Variants in DDX4 observed in about 807,000 individuals in gnomAD.
The protein encoded by DDX4 is DEAD-box helicase 4, also known as probable ATP-dependent RNA helicase DDX4.
A neutral mutation model predicts 100.0 loss-of-function variants in DDX4; 25 were observed. The ratio of observed to expected loss-of-function variants is 0.25; its 90% CI spans 0.18 to 0.35. The LOEUF is 0.35. Among genes scored for constraint, DDX4 ranks in the 10% least tolerant of loss-of-function variants. The pLI, the probability that DDX4 is intolerant of heterozygous loss-of-function variation, is 1.00. For missense variants in DDX4, 635 were observed against 882.4 expected (o/e 0.72, Z 3.55); for synonymous variants, 259 against 275.7 (o/e 0.94, Z 0.60).
In DDX4 at chr5:55,758,906, A is replaced by G. The variant is rs1357410726; in HGVS notation, c.128-1294A>G. Among the ~76,000 whole-genome samples the G allele has an allele frequency of 2.1e-5, 3 of 146,068 alleles. No homozygotes were observed. The South Asian group carries it at 6.6e-4, about 32-fold the overall frequency. On this transcript the variant is annotated intron_variant, in intron 3 of 21. Coordinates refer to ENST00000505374, the MANE Select transcript of DDX4 (RefSeq NM_024415.3). Reference sequence around the variant, plus strand: ...AAAAAAAAAAAAAAAAAAGAGGCAGACAGACAAGGTCTCTTTCTGTTTCCC... The same window carrying G: ...AAAAAAAAAAAAAAAAAAGAGGCAGGCAGACAAGGTCTCTTTCTGTTTCCC...
intron 3 of DDX4, among the ~76,000 whole-genome samples, chr5:55,751,322 C>T (rs1231643306): frequency 6.6e-6 from 1 of 152,206 alleles, no homozygotes; most frequent in Admixed American, 6.5e-5. Flanking sequence ...CAGCTTCAAT[C>T]TCCCAGGCTC....
chr5:55,782,185 G>A (rs1741954243), intron 10 of DDX4: 1 of 563,156 alleles, frequency 1.8e-6, no homozygotes, highest in Non-Finnish European at 3.1e-6. Context: ...TTGCCTCTCT[G>A]ATCCAGCAAT....
Position 55,747,823 on chromosome 5 carries a change from A to G in DDX4, c.127+1602A>G, listed in dbSNP as rs558687454. Among the ~76,000 whole-genome samples the G allele has an allele frequency of 1.2e-4, 18 of 152,334 alleles. 1 individual carries two copies. In the South Asian group the frequency reaches 3.5e-3, roughly 30 times the overall value. On this transcript the variant is annotated intron_variant, in intron 3 of 21. Transcript: ENST00000505374. The stretch of plus-strand genomic sequence containing the variant: ...TTACTATGAGTCTCTAAATCGAGTT[A>G]CTACTATTTTTAAGGCAGACTAGCA...
intron 19 of DDX4, among the ~76,000 whole-genome samples, chr5:55,814,101 A>C (rs1227816157): frequency 1.3e-5 from 2 of 152,200 alleles, no homozygotes; most frequent in Non-Finnish European, 2.9e-5. Flanking sequence ...CCTTTGCTAA[A>C]TCTAATCTTT....
chr5:55,807,803 G>A (rs543332138), intron 18 of DDX4, among the ~76,000 whole-genome samples: 90 of 152,220 alleles, frequency 5.9e-4, no homozygotes, highest in African/African-American at 2.0e-3. Flanking sequence ...TATGTGTCTT[G>A]GAGTTGCTCT....
intron 3 of DDX4, chr5:55,750,107 C>T (rs1205612589): frequency 1.3e-5 from 2 of 153,428 alleles, no homozygotes; most frequent in Non-Finnish European, 2.9e-5. Context: ...TTGTATTTGT[C>T]TACTTTTTTA....
chr5:55,744,098 T>C (rs781551933), intron 2 of DDX4, among the ~76,000 whole-genome samples: 8 of 152,178 alleles, frequency 5.3e-5, no homozygotes, highest in Non-Finnish European at 1.2e-4. Flanking sequence ...TTCAAGTATG[T>C]TGTTATTTTT....
chr5:55,763,765 G>A (rs1455802751), intron 5 of DDX4, among the ~76,000 whole-genome samples: 1 of 152,106 alleles, frequency 6.6e-6, no homozygotes, highest in Non-Finnish European at 1.5e-5. Flanking sequence ...TGCATACAGA[G>A]GAGTATATGA....
At chr5:55,813,799 T>TA (rs1400330584) in intron 19 of DDX4, 27 bp downstream of exon 19, 3 of 1,544,112 alleles carry the variant, frequency 1.9e-6, no homozygotes, top group Non-Finnish European at 2.6e-6. Flanking sequence ...AATTACCTAT[T>TA]AGGGGAATGA....
chr5:55,798,562 C>A lies in DDX4; in HGVS notation c.1606C>A (p.Arg536=). The change falls in exon 18 of 22, where the codon CGA becomes AGA. Residue 536 remains arginine (R), a synonymous_variant. Transcript: ENST00000505374. Reference sequence around the variant, plus strand: ...AAGAGAAAAGCTCGTTGAAATTCTGCGAAACATAGGTATCTTACGTTGATA... The same window carrying A: ...AAGAGAAAAGCTCGTTGAAATTCTGAGAAACATAGGTATCTTACGTTGATA... ...SKREKLVEIL[R]NIGDERTMVF... is the part of the protein sequence containing the mutation. 3 of 1,602,778 alleles carry A rather than the reference C, an allele frequency of 1.9e-6. No individual in the cohort carries two copies. The highest frequency in any genetic ancestry group is 2.6e-6 in the Non-Finnish European group (3 of 1,174,512).
intron 16 of DDX4, among the ~76,000 whole-genome samples, chr5:55,791,626 T>A (rs996753677): frequency 1.3e-5 from 2 of 152,232 alleles, no homozygotes; most frequent in African/African-American, 4.8e-5. Context: ...GCTGTTAGGA[T>A]ATTTTCTTTC....
intron 16 of DDX4, among the ~76,000 whole-genome samples, chr5:55,791,793 C>G (rs940598059): frequency 6.6e-6 from 1 of 152,126 alleles, no homozygotes; most frequent in African/African-American, 2.4e-5. Context: ...AGCTAGCTAC[C>G]TTTGGCTAAT....
At chr5:55,765,200 C>G (rs1353444327) in intron 6 of DDX4, among the ~76,000 whole-genome samples, 1 of 151,508 alleles carries the variant, frequency 6.6e-6, no homozygotes, top group Non-Finnish European at 1.5e-5. Flanking sequence ...TCTCTTTTAA[C>G]TCATTTAATA....
At chr5:55,777,082 A>G (rs530884330) in intron 7 of DDX4, among the ~76,000 whole-genome samples, 2 of 152,344 alleles carry the variant, frequency 1.3e-5, no homozygotes, top group Non-Finnish European at 2.9e-5. Context: ...ATAGAAGGAC[A>G]GAGCTTTGTA....
chr5:55,753,263 TG>T (rs955708350), intron 3 of DDX4, among the ~76,000 whole-genome samples: 1 of 152,228 alleles, frequency 6.6e-6, no homozygotes, highest in Non-Finnish European at 1.5e-5. Flanking sequence ...ATGTCCTGAA[TG>T]GTAATGCCTA....
chr5:55,740,508 A>AT lies in DDX4; in HGVS notation c.69+1491dup, dbSNP rs111354975. Among the ~76,000 whole-genome samples, 364 of 132,740 alleles carry AT rather than the reference A, an allele frequency of 2.7e-3. 1 individual carries two copies. The highest frequency in any genetic ancestry group is 0.013 in the Middle Eastern group (3 of 232). 87.1% of individuals were successfully genotyped at this position (132,740 alleles called of 152,430 possible). The stretch of plus-strand genomic sequence containing the variant: ...GTTTTGATGATAGTATATAACAGTA[A>AT]TTTTTTTTTTTTTTTGAGATGGAGT... On this transcript the variant is annotated intron_variant, in intron 2 of 21. Coordinates refer to ENST00000505374, the MANE Select transcript of DDX4 (RefSeq NM_024415.3).
intron 18 of DDX4, among the ~76,000 whole-genome samples, chr5:55,813,163 A>G (rs757382277): frequency 6.6e-5 from 10 of 152,060 alleles, no homozygotes; most frequent in Admixed American, 3.9e-4. Flanking sequence ...AATATGTAAG[A>G]TATTTTGGGA....
chr5:55,780,172 C>T (rs1167672290), intron 8 of DDX4, 107 bp downstream of exon 8: 3 of 1,491,682 alleles, frequency 2.0e-6, no homozygotes, highest in South Asian at 2.6e-5. Context: ...ATGAGAATAG[C>T]TTAGCTCAGT....
At chr5:55,752,511 A>G (rs1043233668) in intron 3 of DDX4, among the ~76,000 whole-genome samples, 246 of 145,638 alleles carry the variant, frequency 1.7e-3, no homozygotes, top group Non-Finnish European at 2.1e-3. Context: ...AAGGAGATGA[A>G]CTCATCATTT....
Sources: gnomAD v4.1 joint callset for allele counts (sites outside exome capture counted in the v4.1 genomes callset) on GRCh38, gnomAD v4.1.1 for gene constraint, MANE v1.5 for transcripts, NCBI Gene and HGNC (gene_info 2026-07-23, HGNC 2026-07-21) for gene names.